Variants in ACSS2 observed in about 807,000 individuals in gnomAD.
The protein encoded by ACSS2 is acetyl-coenzyme A synthetase, cytoplasmic.
In ACSS2, 58 loss-of-function variants were observed where a neutral mutation model predicts 90.6. The observed-to-expected ratio is 0.64, with a 90% CI of 0.52 to 0.80. The LOEUF is 0.80. ACSS2 is among the 30% of genes least tolerant of loss of function. The pLI is 0.00. For missense variants in ACSS2, 759 were observed against 912.0 expected (o/e 0.83, Z 2.16); for synonymous variants, 300 against 330.9 (o/e 0.91, Z 1.01).
intron 2 of ACSS2, among the ~76,000 whole-genome samples, chr20:34,900,069 C>T (rs540382925): frequency 1.3e-5 from 2 of 151,406 alleles, no homozygotes; most frequent in East Asian, 3.9e-4. Flanking sequence ...CTTGTCAGCA[C>T]TTGTTACTGT....
rs547163923 is a variant in ACSS2 at position 34,881,656 on chromosome 20, G to A, written c.179-1138G>A. Among the ~76,000 whole-genome samples, 16 of 152,204 alleles carry A rather than the reference G, an allele frequency of 1.1e-4. No homozygotes were observed. The South Asian group carries it at 1.9e-3, about 18-fold the overall frequency. The stretch of plus-strand genomic sequence containing the variant: ...GGTCTCTTTTTTTCATATGGGAGTG[G>A]AGAAAAACTTCTATTCATCTTTCAG... On this transcript the variant is annotated intron_variant, in intron 1 of 17. Coordinates refer to ENST00000360596, the MANE Select transcript of ACSS2 (RefSeq NM_018677.4).
At chr20:34,919,785 G>A (rs763874859) in intron 8 of ACSS2, among the ~76,000 whole-genome samples, 26 of 152,056 alleles carry the variant, frequency 1.7e-4, no homozygotes, top group Non-Finnish European at 3.2e-4. Context: ...AGTTCAGGTG[G>A]AGGGTTTTCA....
At chr20:34,915,489 T>A (rs1329590006) in intron 7 of ACSS2, among the ~76,000 whole-genome samples, 2 of 152,102 alleles carry the variant, frequency 1.3e-5, no homozygotes, top group Non-Finnish European at 2.9e-5. Context: ...CAGAACACAT[T>A]TTATCCTGAT....
At position 34,922,132 on chromosome 20, in the gene ACSS2, C is replaced by A. The variant is rs891379587; in HGVS notation, c.1548+266C>A. The A allele has an allele frequency of 6.7e-6, 4 of 592,638 alleles. No individual in the cohort carries two copies. In the Admixed American group the frequency reaches 1.2e-4, roughly 18 times the overall value. 36.7% of individuals were successfully genotyped at this position (592,638 alleles called of 1,614,324 possible). On this transcript the variant is annotated intron_variant, in intron 13 of 17. Transcript: ENST00000360596. ...CCTTTTTGGGTCTGGAAGACTAAGT[C>A]CCATCTTCTTTTGACAAAGATTCTA...
chr20:34,907,084 C>CATG (rs1381192217), intron 2 of ACSS2, among the ~76,000 whole-genome samples: 1 of 147,638 alleles, frequency 6.8e-6, no homozygotes, highest in Non-Finnish European at 1.5e-5. Context: ...GAGATAATTT[C>CATG]AAATAATGGA....
At chr20:34,913,635 T>G in intron 4 of ACSS2, 118 bp from the exon 5 acceptor site, 1 of 1,259,614 alleles carries the variant, frequency 7.9e-7, no homozygotes. Context: ...TATTAGTTAT[T>G]CAGTTTCTTC....
intron 3 of ACSS2, 39 bp downstream of exon 3, chr20:34,913,226 C>T: frequency 1.3e-6 from 2 of 1,599,656 alleles, no homozygotes; most frequent in South Asian, 2.2e-5. Flanking sequence ...GGGGTCTGGC[C>T]TTGGGGTATC....
chr20:34,902,249 C>G (rs1382651708), intron 2 of ACSS2, among the ~76,000 whole-genome samples: 2 of 151,912 alleles, frequency 1.3e-5, no homozygotes, highest in Non-Finnish European at 2.9e-5. Context: ...TGTCTTCTGT[C>G]TAGTAGGGAA....
In ACSS2 at chr20:34,913,146, T is replaced by A; in HGVS notation, c.425T>A (p.Leu142Gln). ...ACTCAGATCACATACCATCAGCTTC[T>A]GGTCCAAGTGTGTCAGTTCAGCAAT... ...ETTQITYHQLLVQVCQFSNVL... is the reference protein window; with the variant it reads ...ETTQITYHQLQVQVCQFSNVL... The change falls in exon 3 of 18, where the codon CTG (leucine) becomes CAG (glutamine). Residue 142 changes from leucine (L) to glutamine (Q), a missense_variant. Coordinates refer to ENST00000360596, the MANE Select transcript of ACSS2 (RefSeq NM_018677.4). 6.2e-7 allele frequency: 1 copy of A among 1,614,186 alleles called. No individual in the cohort carries two copies. Among genetic ancestry groups the A allele is most frequent in the Non-Finnish European group, 8.5e-7 (1 of 1,180,040 alleles).
chr20:34,886,615 C>T (rs878874422), intron 2 of ACSS2, among the ~76,000 whole-genome samples: 1 of 152,110 alleles, frequency 6.6e-6, no homozygotes, highest in African/African-American at 2.4e-5. Context: ...CAGAGCAAGA[C>T]TCTGTCTCAA....
At chr20:34,890,353 A>G (rs2080304575) in intron 2 of ACSS2, among the ~76,000 whole-genome samples, 1 of 152,140 alleles carries the variant, frequency 6.6e-6, no homozygotes, top group African/African-American at 2.4e-5. Context: ...GCAGATAAAT[A>G]TGTTAGTGGG....
intron 2 of ACSS2, among the ~76,000 whole-genome samples, chr20:34,899,403 C>T (rs183335198): frequency 0.051 from 3,274 of 64,224 alleles, 113 homozygotes; most frequent in African/African-American, 0.23. Flanking sequence ...TCTTTCTTTC[C>T]TTCTTTCTTT....
chr20:34,882,640 G>A (rs2080093990), intron 1 of ACSS2, among the ~76,000 whole-genome samples, 154 bp from the exon 2 acceptor site: 1 of 151,974 alleles, frequency 6.6e-6, no homozygotes, highest in South Asian at 2.1e-4. Flanking sequence ...AAAAAGTGGT[G>A]GGTGCTAAGA....
chr20:34,926,075 C>G, intron 15 of ACSS2, 30 bp from the exon 16 acceptor site: 1 of 1,612,404 alleles, frequency 6.2e-7, no homozygotes, highest in Non-Finnish European at 8.5e-7. Flanking sequence ...CCTGGGATCT[C>G]TCTCATGGCA....
chr20:34,907,094 A>T (rs942572756), intron 2 of ACSS2, among the ~76,000 whole-genome samples: 3 of 151,650 alleles, frequency 2.0e-5, no homozygotes, highest in Non-Finnish European at 4.4e-5. Context: ...CAAATAATGG[A>T]ACGTTTCATG....
At chr20:34,883,081 T>A in intron 2 of ACSS2, 92 bp downstream of exon 2, 2 of 959,002 alleles carry the variant, frequency 2.1e-6, no homozygotes, top group Non-Finnish European at 3.1e-6. Context: ...GTCATCAACT[T>A]AATGCCTCAG....
Position 34,908,248 on chromosome 20 carries a change from G to A in ACSS2, c.375-4848G>A, listed in dbSNP as rs1032609977. The stretch of plus-strand genomic sequence containing the variant: ...GACCTGAACTTGCCAAGGGAAACCA[G>A]GGATCCACTTACAGTAAAATTCAAA... On this transcript the variant is annotated intron_variant, in intron 2 of 17. Coordinates refer to ENST00000360596, the MANE Select transcript of ACSS2 (RefSeq NM_018677.4). Among the ~76,000 whole-genome samples, 18 of 152,170 alleles carry A rather than the reference G, an allele frequency of 1.2e-4. 1 individual carries two copies. Among genetic ancestry groups the A allele is most frequent in the Admixed American group, 1.1e-3 (17 of 15,274 alleles).
At position 34,913,132 on chromosome 20, in the gene ACSS2, A is replaced by T; in HGVS notation, c.411A>T (p.Thr137=). Residue 137 remains threonine, a synonymous_variant, in exon 3 of 18, where the codon ACA becomes ACT. Coordinates refer to ENST00000360596, the MANE Select transcript of ACSS2 (RefSeq NM_018677.4). The part of the protein sequence containing the change: ...GNEPGETTQI[T]YHQLLVQVCQ... ...AGCCAGGGGAGACCACTCAGATCAC[A>T]TACCATCAGCTTCTGGTCCAAGTGT... The T allele has an allele frequency of 1.2e-6, 2 of 1,614,188 alleles. No individual in the cohort carries two copies. Among genetic ancestry groups the T allele is most frequent in the Non-Finnish European group, 1.7e-6 (2 of 1,180,044 alleles).
chr20:34,908,247 A>G (rs1398506628), intron 2 of ACSS2, among the ~76,000 whole-genome samples: 1 of 152,200 alleles, frequency 6.6e-6, no homozygotes, highest in African/African-American at 2.4e-5. Context: ...AAGGGAAACC[A>G]GGGATCCACT....
Sources: allele counts gnomAD v4.1 joint callset (sites outside exome capture counted in the v4.1 genomes callset), GRCh38; gene constraint gnomAD v4.1.1; transcripts MANE v1.5; gene names NCBI Gene and HGNC (gene_info 2026-07-23, HGNC 2026-07-21).